The following EIF4EBP1 variants were observed in gnomAD, a reference collection of about 807,000 sequenced individuals.
The protein encoded by EIF4EBP1 is eukaryotic translation initiation factor 4E binding protein 1, also known as eukaryotic translation initiation factor 4E-binding protein 1.
A neutral mutation model predicts 9.2 loss-of-function variants in EIF4EBP1; 5 were observed. The observed-to-expected ratio is 0.54, with a 90% CI of 0.28 to 1.14. The LOEUF is 1.14. Among genes scored for constraint, EIF4EBP1 ranks in the 50% most tolerant of loss-of-function variants. EIF4EBP1 has a pLI of 0.09. For synonymous variants in EIF4EBP1, 62 were observed against 67.0 expected, an observed-to-expected ratio of 0.93 and a Z score of 0.36; for missense variants, 139 against 169.6, an observed-to-expected ratio of 0.82 and a Z score of 1.00.
At chr8:38,041,794 C>A (rs1039160405) in intron 1 of EIF4EBP1, among the ~76,000 whole-genome samples, 1 of 152,126 alleles carries the variant, frequency 6.6e-6, no homozygotes, top group Non-Finnish European at 1.5e-5. Flanking sequence ...AGTTGGAGAC[C>A]AGCTTGGGCA....
chr8:38,041,882 C>T (rs1027717498), intron 1 of EIF4EBP1, among the ~76,000 whole-genome samples: 18 of 151,910 alleles, frequency 1.2e-4, no homozygotes, highest in African/African-American at 3.6e-4. Flanking sequence ...GTCCTAGTTA[C>T]TTGGGAAGCT....
At chr8:38,055,231 C>T (rs769852562) in intron 1 of EIF4EBP1, among the ~76,000 whole-genome samples, 49 of 152,224 alleles carry the variant, frequency 3.2e-4, no homozygotes, top group South Asian at 8.3e-4. Flanking sequence ...ACTCAGACTC[C>T]GAGATGGAAA....
chr8:38,046,571 A>C (rs1809451963), intron 1 of EIF4EBP1, among the ~76,000 whole-genome samples: 1 of 152,190 alleles, frequency 6.6e-6, no homozygotes, highest in Non-Finnish European at 1.5e-5. Context: ...ATAAATGGTG[A>C]AATTATGTCA....
At chr8:38,031,695 C>T (rs996826861) in intron 1 of EIF4EBP1, among the ~76,000 whole-genome samples, 3 of 152,200 alleles carry the variant, frequency 2.0e-5, no homozygotes, top group African/African-American at 7.2e-5. Flanking sequence ...TTTTCTCAGG[C>T]AGCTGTCCCA....
intron 1 of EIF4EBP1, among the ~76,000 whole-genome samples, chr8:38,045,477 G>A (rs1021961521): frequency 3.3e-5 from 5 of 151,856 alleles, no homozygotes; most frequent in Non-Finnish European, 5.9e-5. Flanking sequence ...GGCCGAGGTG[G>A]GGGGATTGCT....
At chr8:38,050,055 T>C (rs577793653) in intron 1 of EIF4EBP1, among the ~76,000 whole-genome samples, 1 of 151,794 alleles carries the variant, frequency 6.6e-6, no homozygotes, top group South Asian at 2.1e-4. Context: ...GGACTACAGG[T>C]GTGCACCACC....
At chr8:38,046,685 A>G (rs1235266446) in intron 1 of EIF4EBP1, among the ~76,000 whole-genome samples, 2 of 152,080 alleles carry the variant, frequency 1.3e-5, no homozygotes, top group Non-Finnish European at 2.9e-5. Context: ...TGGCACTACC[A>G]TCATCATCAT....
chr8:38,050,430 C>A (rs1382226024), intron 1 of EIF4EBP1, among the ~76,000 whole-genome samples: 1 of 152,102 alleles, frequency 6.6e-6, no homozygotes, highest in Non-Finnish European at 1.5e-5. Context: ...CTCACTGCAG[C>A]CTTGGACCTC....
intron 2 of EIF4EBP1, among the ~76,000 whole-genome samples, chr8:38,059,680 C>T (rs536433677): frequency 4.0e-5 from 6 of 151,294 alleles, no homozygotes; most frequent in African/African-American, 1.5e-4. Context: ...CGCTTGAACC[C>T]AGGAGGCGGA....
At chr8:38,049,578 T>C (rs1412236991) in intron 1 of EIF4EBP1, among the ~76,000 whole-genome samples, 1 of 151,128 alleles carries the variant, frequency 6.6e-6, no homozygotes, top group African/African-American at 2.4e-5. Context: ...ACCTTGTGGG[T>C]TTAAGCAATC....
Position 38,060,028 on chromosome 8 carries a change from C to A in EIF4EBP1, c.*93C>A. On this transcript the variant is annotated 3_prime_UTR_variant, in exon 3 of 3. Transcript: ENST00000338825. ...GCCAGGCCTTATGAAAGTGATCATACTGGGCAGGCGTTGGCGTGGGGTCGG... is the reference window on the plus strand; with the variant it reads ...GCCAGGCCTTATGAAAGTGATCATAATGGGCAGGCGTTGGCGTGGGGTCGG... The A allele has an allele frequency of 7.5e-7, 1 of 1,332,038 alleles. No homozygotes were observed. The highest frequency in any genetic ancestry group is 1.1e-6 in the Non-Finnish European group (1 of 923,412). 82.5% of individuals were successfully genotyped at this position (1,332,038 alleles called of 1,614,324 possible).
chr8:38,052,863 T>A (rs1331515266), intron 1 of EIF4EBP1, among the ~76,000 whole-genome samples: 1 of 152,150 alleles, frequency 6.6e-6, no homozygotes, highest in Non-Finnish European at 1.5e-5. Flanking sequence ...TTCGGCTGAC[T>A]TTCTGCATGC....
intron 1 of EIF4EBP1, among the ~76,000 whole-genome samples, chr8:38,046,481 G>A (rs1809451253): frequency 6.6e-6 from 1 of 152,162 alleles, no homozygotes. Flanking sequence ...CCTTCCAAGT[G>A]TCTCTCCTGA....
intron 1 of EIF4EBP1, among the ~76,000 whole-genome samples, chr8:38,046,329 G>GA (rs549219280): frequency 6.0e-5 from 9 of 150,926 alleles, no homozygotes; most frequent in Non-Finnish European, 1.0e-4. Flanking sequence ...AGCATGCCTT[G>GA]AAAAAAAAAT....
chr8:38,057,166 C>T lies in EIF4EBP1; in HGVS notation c.231C>T (p.Thr77=). 6.2e-7 allele frequency: 1 copy of T among 1,614,244 alleles called. No individual in the cohort carries two copies. The highest frequency in any genetic ancestry group is 1.1e-5 in the South Asian group (1 of 91,088). Residue 77 remains threonine, a synonymous_variant, in exon 2 of 3, where the codon ACC becomes ACT. Coordinates refer to ENST00000338825, the MANE Select transcript of EIF4EBP1 (RefSeq NM_004095.4). The part of the protein sequence containing the change: ...VTKTPPRDLP[T]IPGVTSPSSD... ...AAACACCCCCAAGGGATCTGCCCACCATTCCGGGGGTCACCAGCCCTTCCA... is the reference window on the plus strand; with the variant it reads ...AAACACCCCCAAGGGATCTGCCCACTATTCCGGGGGTCACCAGCCCTTCCA...
chr8:38,055,257 G>A (rs1809580961), intron 1 of EIF4EBP1, among the ~76,000 whole-genome samples: 1 of 152,072 alleles, frequency 6.6e-6, no homozygotes, highest in Non-Finnish European at 1.5e-5. Context: ...TCCTTTCCAG[G>A]GGTTTACAGA....
chr8:38,030,642 C>G lies in EIF4EBP1; in HGVS notation c.69C>G (p.Leu23=). ...TCCCCGCCACTCGCCGGGTGGTGCT[C>G]GGCGACGGCGTGCAGCTCCCGCCCG... ...RAIPATRRVV[L]GDGVQLPPGD... Residue 23 remains leucine, a synonymous_variant, in exon 1 of 3, where the codon CTC becomes CTG. Transcript: ENST00000338825. 2.0e-6 allele frequency: 3 copies of G among 1,509,630 alleles called. No homozygotes were observed. Among genetic ancestry groups the G allele is most frequent in the Non-Finnish European group, 2.6e-6 (3 of 1,135,920 alleles). 93.5% of individuals were successfully genotyped at this position (1,509,630 alleles called of 1,614,324 possible). A position where few individuals can be genotyped will look rare whatever the true frequency, so the allele number is the denominator to read the frequency against.
At chr8:38,049,837 G>A (rs1474560700) in intron 1 of EIF4EBP1, among the ~76,000 whole-genome samples, 3 of 151,418 alleles carry the variant, frequency 2.0e-5, no homozygotes, top group African/African-American at 7.3e-5. Flanking sequence ...TTCTCCTTCT[G>A]GACTTCCTGC....
intron 1 of EIF4EBP1, among the ~76,000 whole-genome samples, chr8:38,043,082 A>G (rs1344879988): frequency 3.3e-5 from 5 of 152,134 alleles, no homozygotes; most frequent in African/African-American, 9.7e-5. Context: ...CACGAAAAAA[A>G]GTTTTTGGGA....
Sources: allele counts gnomAD v4.1 joint callset (sites outside exome capture counted in the v4.1 genomes callset), GRCh38; gene constraint gnomAD v4.1.1; transcripts MANE v1.5; gene names NCBI Gene and HGNC (gene_info 2026-07-23, HGNC 2026-07-21).